The following IQSEC1 variants were observed in gnomAD, a reference collection of about 807,000 sequenced individuals.
The protein encoded by IQSEC1 is IQ motif and SEC7 domain-containing protein 1.
In IQSEC1, 31 loss-of-function variants were observed where a neutral mutation model predicts 91.0. The observed-to-expected ratio is 0.34, with a 90% CI of 0.26 to 0.46. The LOEUF (loss-of-function observed/expected upper bound fraction) is 0.46, where lower values mean the gene tolerates loss of function less well. IQSEC1 is among the 20% of genes least tolerant of loss of function. The pLI, the probability that IQSEC1 is intolerant of heterozygous loss-of-function variation, is 1.00. For synonymous variants in IQSEC1, 699 were observed against 662.6 expected, an observed-to-expected ratio of 1.05 and a Z score of -0.84; for missense variants, 1,388 against 1,575.6, an observed-to-expected ratio of 0.88 and a Z score of 2.02.
intron 1 of IQSEC1, among the ~76,000 whole-genome samples, chr3:13,279,263 G>C (rs1005129769): frequency 3.3e-5 from 5 of 152,184 alleles, no homozygotes; most frequent in Non-Finnish European, 5.9e-5. Flanking sequence ...AGTGAGCAGA[G>C]AGCAATTCTA....
intron 1 of IQSEC1, among the ~76,000 whole-genome samples, chr3:12,953,949 A>C (rs1699732645): frequency 6.6e-6 from 1 of 152,150 alleles, no homozygotes; most frequent in South Asian, 2.1e-4. Flanking sequence ...TGCCATGCCT[A>C]ATTAGAGGGT....
At chr3:13,148,375 G>A (rs879895317) in intron 2 of IQSEC1, among the ~76,000 whole-genome samples, 3 of 152,128 alleles carry the variant, frequency 2.0e-5, no homozygotes, top group Admixed American at 1.3e-4. Flanking sequence ...CCGCCTCTGA[G>A]CCACCATGCA....
chr3:12,958,640 C>T (rs1231396723), intron 1 of IQSEC1, among the ~76,000 whole-genome samples: 1 of 152,218 alleles, frequency 6.6e-6, no homozygotes, highest in Non-Finnish European at 1.5e-5. Context: ...TCTGAAGGAA[C>T]ATAGACCATC....
chr3:13,018,841 G>A (rs376118874), intron 1 of IQSEC1, among the ~76,000 whole-genome samples: 12 of 152,328 alleles, frequency 7.9e-5, no homozygotes, highest in South Asian at 4.1e-4. Context: ...GCTTCAGAAC[G>A]TCTCTAAGAG....
chr3:13,167,853 C>T (rs1211489959), intron 1 of IQSEC1, among the ~76,000 whole-genome samples: 1 of 152,230 alleles, frequency 6.6e-6, no homozygotes, highest in Non-Finnish European at 1.5e-5. Context: ...CTACCTTTCC[C>T]AGATGCCCTT....
chr3:13,100,978 G>A (rs1434407548), intron 2 of IQSEC1, among the ~76,000 whole-genome samples: 1 of 131,928 alleles, frequency 7.6e-6, no homozygotes, highest in African/African-American at 3.1e-5. Context: ...GCCATGGGAG[G>A]ACCTCGAGCA....
intron 2 of IQSEC1, among the ~76,000 whole-genome samples, chr3:13,149,088 C>T: frequency 6.6e-6 from 1 of 152,232 alleles, no homozygotes; most frequent in Non-Finnish European, 1.5e-5. Context: ...TCTGTCTGGG[C>T]AGTCCCCACA....
chr3:13,067,179 C>T (rs772110543), intron 1 of IQSEC1, among the ~76,000 whole-genome samples: 28 of 152,210 alleles, frequency 1.8e-4, no homozygotes, highest in Admixed American at 6.5e-4. Flanking sequence ...TATTTTCATC[C>T]ACTCTGCCTG....
rs1244205833 is a variant in IQSEC1, at chr3:12,979,204, C to T, written c.24-37339G>A. ...ATCTGCTCCACAAGTGAAAAGCCAG[C>T]CTCACTAAGCATAAATTGAATTTTC... On this transcript the variant is annotated intron_variant, in intron 1 of 13. Transcript: ENST00000613206. The surrounding 1 kb of genome is among the most constrained non-coding windows in gnomAD (Gnocchi z 4.3). Among the ~76,000 whole-genome samples the T allele has an allele frequency of 6.6e-6, 1 of 152,144 alleles. No individual in the cohort carries two copies. Among genetic ancestry groups the T allele is most frequent in the Non-Finnish European group, 1.5e-5 (1 of 68,036 alleles).
rs911700799 is a variant in IQSEC1 at position 12,979,366 on chromosome 3, C to T, written c.24-37501G>A. Among the ~76,000 whole-genome samples, 1 of 152,184 alleles carries T rather than the reference C, an allele frequency of 6.6e-6. No individual in the cohort carries two copies. The highest frequency in any genetic ancestry group is 2.4e-5 in the African/African-American group (1 of 41,432). ...AGCACAGAGAATCCACATGACAGGACGCCGCCAATAAAACAGAAGCATGCT... is the reference window on the plus strand; with the variant it reads ...AGCACAGAGAATCCACATGACAGGATGCCGCCAATAAAACAGAAGCATGCT... On this transcript the variant is annotated intron_variant, in intron 1 of 13. Coordinates refer to ENST00000613206, the MANE Select transcript of IQSEC1 (RefSeq NM_001134382.3). The surrounding 1 kb of genome is among the most constrained non-coding windows in gnomAD (Gnocchi z 4.3).
At chr3:13,110,571 G>A (rs1013601505) in intron 2 of IQSEC1, among the ~76,000 whole-genome samples, 3 of 152,168 alleles carry the variant, frequency 2.0e-5, no homozygotes, top group Non-Finnish European at 4.4e-5. Flanking sequence ...CCTGGCAACA[G>A]AGCGAGACTT....
At chr3:13,209,264 A>C (rs1576296016) in intron 1 of IQSEC1, among the ~76,000 whole-genome samples, 1 of 152,180 alleles carries the variant, frequency 6.6e-6, no homozygotes. Flanking sequence ...GATGGAGGCA[A>C]ATGGTGTCCA....
chr3:13,239,878 G>A (rs1338818729), intron 1 of IQSEC1, among the ~76,000 whole-genome samples: 1 of 152,204 alleles, frequency 6.6e-6, no homozygotes, highest in African/African-American at 2.4e-5. Flanking sequence ...GGCTGCGGGT[G>A]GGGAGTGAGG....
intron 1 of IQSEC1, among the ~76,000 whole-genome samples, chr3:13,223,328 T>C (rs920668888): frequency 4.9e-5 from 7 of 142,588 alleles, no homozygotes; most frequent in Non-Finnish European, 1.1e-4. Context: ...CCCACAAGGA[T>C]GGAGATCTTC....
chr3:13,274,238 G>C (rs974159501), intron 1 of IQSEC1, among the ~76,000 whole-genome samples: 5 of 152,160 alleles, frequency 3.3e-5, no homozygotes, highest in African/African-American at 1.2e-4. Context: ...AACACCACCA[G>C]ACACGTGCTA....
At chr3:12,931,481 G>C (rs1384284272) in intron 3 of IQSEC1, among the ~76,000 whole-genome samples, 4 of 152,202 alleles carry the variant, frequency 2.6e-5, no homozygotes, top group Non-Finnish European at 5.9e-5. Flanking sequence ...TGAGACAATA[G>C]GCGGAAGGTG....
intron 12 of IQSEC1, among the ~76,000 whole-genome samples, chr3:12,905,927 G>T (rs1472580268): frequency 6.6e-6 from 1 of 152,244 alleles, no homozygotes; most frequent in African/African-American, 2.4e-5. Flanking sequence ...GGACTCTTGT[G>T]CCGCTGGAAT....
intron 1 of IQSEC1, among the ~76,000 whole-genome samples, chr3:13,268,519 G>T (rs1259507280): frequency 6.6e-6 from 1 of 152,158 alleles, no homozygotes; most frequent in African/African-American, 2.4e-5. Context: ...TCCCCTATCA[G>T]AAGGGTTGAG....
chr3:13,156,502 A>G (rs1181826332), intron 2 of IQSEC1, among the ~76,000 whole-genome samples: 3 of 152,238 alleles, frequency 2.0e-5, no homozygotes, highest in Non-Finnish European at 4.4e-5. Flanking sequence ...CAGAAGTGGG[A>G]GCATTCAGGC....
Sources: allele counts gnomAD v4.1 joint callset (sites outside exome capture counted in the v4.1 genomes callset), GRCh38; gene constraint gnomAD v4.1.1; non-coding constraint Gnocchi (gnomAD v3.1); transcripts MANE v1.5; gene names NCBI Gene and HGNC (gene_info 2026-07-23, HGNC 2026-07-21).